The following BORCS5 variants were observed in gnomAD, a reference collection of about 807,000 sequenced individuals.
The protein encoded by BORCS5 is BLOC-1 related complex subunit 5.
Under a neutral mutation model 22.1 loss-of-function variants are expected in BORCS5, and 17 were observed. The observed-to-expected ratio is 0.77, with a 90% CI of 0.53 to 1.15. BORCS5 has a LOEUF of 1.15. Among genes scored for constraint, BORCS5 ranks in the 50% most tolerant of loss-of-function variants. The pLI is 0.00. For synonymous variants in BORCS5, 117 were observed against 99.8 expected, an observed-to-expected ratio of 1.17 and a Z score of -1.03; for missense variants, 247 against 253.2, an observed-to-expected ratio of 0.98 and a Z score of 0.17.
intron 3 of BORCS5, among the ~76,000 whole-genome samples, chr12:12,446,403 C>T (rs1942792083): frequency 6.6e-6 from 1 of 152,184 alleles, no homozygotes. Flanking sequence ...TTCTTTATAA[C>T]TCTGTCTAGA....
In BORCS5 at chr12:12,443,725, T is replaced by G. The variant is rs548058418; in HGVS notation, c.360+7940T>G. On this transcript the variant is annotated intron_variant, in intron 3 of 3. Transcript: ENST00000314565. ...CTGAGATTTAACTCCATTCCGCTTTTGGACAATGACATATGAGCATGTGTG... is the reference window on the plus strand; with the variant it reads ...CTGAGATTTAACTCCATTCCGCTTTGGGACAATGACATATGAGCATGTGTG... Among the ~76,000 whole-genome samples the G allele has an allele frequency of 1.6e-4, 24 of 152,378 alleles. No homozygotes were observed. The South Asian group carries it at 3.3e-3, about 21-fold the overall frequency.
intron 3 of BORCS5, among the ~76,000 whole-genome samples, chr12:12,455,962 A>C (rs1352226327): frequency 1.3e-5 from 2 of 152,182 alleles, no homozygotes; most frequent in Non-Finnish European, 2.9e-5. Flanking sequence ...GAGGGTTATT[A>C]AATTTGCTTT....
chr12:12,417,242 T>G (rs1373031639), intron 2 of BORCS5, among the ~76,000 whole-genome samples: 1 of 152,222 alleles, frequency 6.6e-6, no homozygotes, highest in Non-Finnish European at 1.5e-5. Flanking sequence ...TTTAGTATGT[T>G]CTTTACCGTC....
intron 2 of BORCS5, among the ~76,000 whole-genome samples, chr12:12,366,978 A>T (rs1273324113): frequency 6.6e-6 from 1 of 152,224 alleles, no homozygotes; most frequent in African/African-American, 2.4e-5. Flanking sequence ...TATACAGTGT[A>T]GATACTGAAG....
intron 2 of BORCS5, among the ~76,000 whole-genome samples, chr12:12,387,611 T>C (rs1460280859): frequency 6.6e-6 from 1 of 151,502 alleles, no homozygotes; most frequent in Non-Finnish European, 1.5e-5. Context: ...AGGTGTGGAT[T>C]GGATCCAGTG....
At chr12:12,434,979 G>T (rs186290641) in intron 2 of BORCS5, among the ~76,000 whole-genome samples, 2 of 152,194 alleles carry the variant, frequency 1.3e-5, no homozygotes, top group East Asian at 3.9e-4. Flanking sequence ...GCTATTAATT[G>T]CCCTGCTACA....
intron 1 of BORCS5, among the ~76,000 whole-genome samples, chr12:12,359,936 T>C (rs1863240416): frequency 6.6e-6 from 1 of 152,174 alleles, no homozygotes; most frequent in African/African-American, 2.4e-5. Flanking sequence ...TTTCTCATTT[T>C]AGAAATAGGG....
chr12:12,415,108 G>T (rs1337058884), intron 2 of BORCS5, among the ~76,000 whole-genome samples: 3 of 151,394 alleles, frequency 2.0e-5, no homozygotes, highest in African/African-American at 7.3e-5. Flanking sequence ...CAGACGATGG[G>T]GGGCCAGGCA....
chr12:12,465,040 T>C (rs1005765985), intron 3 of BORCS5, among the ~76,000 whole-genome samples: 1 of 152,140 alleles, frequency 6.6e-6, no homozygotes, highest in Non-Finnish European at 1.5e-5. Flanking sequence ...GGCATGATCA[T>C]GGCTCACTGC....
At chr12:12,438,780 A>G (rs989986995) in intron 3 of BORCS5, among the ~76,000 whole-genome samples, 13 of 152,224 alleles carry the variant, frequency 8.5e-5, no homozygotes, top group Admixed American at 7.9e-4. Flanking sequence ...TATATTTTAT[A>G]GTAAATCCCC....
chr12:12,426,579 G>A (rs1416724701), intron 2 of BORCS5, among the ~76,000 whole-genome samples: 3 of 152,364 alleles, frequency 2.0e-5, no homozygotes, highest in South Asian at 2.1e-4. Context: ...AACACAGAAG[G>A]ATGAAGTGCT....
intron 2 of BORCS5, among the ~76,000 whole-genome samples, chr12:12,391,610 A>T (rs1941186551): frequency 6.6e-6 from 1 of 150,698 alleles, no homozygotes; most frequent in East Asian, 2.0e-4. Flanking sequence ...CTGGTCTCGA[A>T]CTCCTGACCT....
chr12:12,390,263 T>C (rs569542642), intron 2 of BORCS5, among the ~76,000 whole-genome samples: 1 of 152,232 alleles, frequency 6.6e-6, no homozygotes, highest in South Asian at 2.1e-4. Flanking sequence ...TCAAAGAGCT[T>C]ACATTCTAAT....
chr12:12,454,088 G>A (rs770189005), intron 3 of BORCS5, among the ~76,000 whole-genome samples: 6 of 152,156 alleles, frequency 3.9e-5, no homozygotes, highest in African/African-American at 7.2e-5. Context: ...TTCAGTGGAT[G>A]GATATTTGGG....
chr12:12,422,827 G>C, intron 2 of BORCS5, among the ~76,000 whole-genome samples: 1 of 151,562 alleles, frequency 6.6e-6, no homozygotes, highest in East Asian at 1.9e-4. Flanking sequence ...ACAAAATATG[G>C]AGTTATAAAC....
chr12:12,408,398 C>A (rs541178519), intron 2 of BORCS5, among the ~76,000 whole-genome samples: 2 of 152,244 alleles, frequency 1.3e-5, no homozygotes, highest in East Asian at 3.9e-4. Flanking sequence ...TGGTAAAATA[C>A]ACTTGACATG....
intron 2 of BORCS5, among the ~76,000 whole-genome samples, chr12:12,370,746 T>C (rs922674042): frequency 6.6e-6 from 1 of 151,910 alleles, no homozygotes; most frequent in Non-Finnish European, 1.5e-5. Flanking sequence ...CAATCTAACT[T>C]CCTGTGTCCT....
At chr12:12,419,062 T>C (rs1304518571) in intron 2 of BORCS5, among the ~76,000 whole-genome samples, 2 of 152,182 alleles carry the variant, frequency 1.3e-5, no homozygotes, top group African/African-American at 2.4e-5. Context: ...AAAATTATTA[T>C]ACTTTAAGTT....
In BORCS5 at chr12:12,361,361, C is replaced by T. The variant is rs181291805; in HGVS notation, c.202+12C>T. The T allele has an allele frequency of 5.6e-6, 9 of 1,610,952 alleles. No individual in the cohort carries two copies. The highest frequency in any genetic ancestry group is 5.0e-5 in the Admixed American group (3 of 59,946). ...GCCCCTTTTGAAAGGTAAAGGATTG[C>T]GTTTTGTTTTATCTGAACTTGCTGG... On this transcript the variant is annotated intron_variant, in intron 2 of 3. Coordinates refer to ENST00000314565, the MANE Select transcript of BORCS5 (RefSeq NM_058169.6).
Sources: gnomAD v4.1 joint callset for allele counts (sites outside exome capture counted in the v4.1 genomes callset) on GRCh38, gnomAD v4.1.1 for gene constraint, MANE v1.5 for transcripts, NCBI Gene and HGNC (gene_info 2026-07-23, HGNC 2026-07-21) for gene names.